DPYD: variants seen among roughly 807,000 people sequenced by gnomAD.
DPYD encodes dihydropyrimidine dehydrogenase [NADP(+)].
A neutral mutation model predicts 116.2 loss-of-function variants in DPYD; 109 were observed. That is an observed-to-expected ratio of 0.94 (90% CI 0.80 to 1.10). The LOEUF (loss-of-function observed/expected upper bound fraction) is 1.10, where lower values mean the gene tolerates loss of function less well. DPYD is among the 50% of genes least tolerant of loss of function. DPYD has a pLI of 0.00. For missense variants in DPYD, 1,302 were observed against 1,254.5 expected (o/e 1.04, Z -0.57); for synonymous variants, 440 against 432.0 (o/e 1.02, Z -0.23).
chr1:97,562,277 A>C (rs1652205777), intron 11 of DPYD, among the ~76,000 whole-genome samples: 1 of 152,186 alleles, frequency 6.6e-6, no homozygotes, highest in African/African-American at 2.4e-5. Flanking sequence ...TGGTGATGTA[A>C]AGTTCATTTG....
rs532009718 is a variant in DPYD at position 97,843,411 on chromosome 1, G to A, written c.151-15215C>T. Among the ~76,000 whole-genome samples the A allele has an allele frequency of 4.5e-4, 68 of 152,196 alleles. 1 individual carries two copies. Among genetic ancestry groups the A allele is most frequent in the African/African-American group, 1.3e-3 (56 of 41,528 alleles). ...AAATAATATGTTTCTCTTCAGTATAGGCAACAGGATTTTATCTTAACTTCC... is the reference window on the plus strand; with the variant it reads ...AAATAATATGTTTCTCTTCAGTATAAGCAACAGGATTTTATCTTAACTTCC... On this transcript the variant is annotated intron_variant, in intron 2 of 22. Coordinates refer to ENST00000370192, the MANE Select transcript of DPYD (RefSeq NM_000110.4).
rs1432783913 is a variant in DPYD, at chr1:97,228,881, A to T, written c.2442+5971T>A. Among the ~76,000 whole-genome samples the T allele has an allele frequency of 2.6e-5, 4 of 152,218 alleles. No homozygotes were observed. The East Asian group carries it at 7.7e-4, about 29-fold the overall frequency. On this transcript the variant is annotated intron_variant, in intron 19 of 22. Coordinates refer to ENST00000370192, the MANE Select transcript of DPYD (RefSeq NM_000110.4). ...CTAAGGGCTTTGAGCTGTATGAAAA[A>T]GATTCGAACTAACTGCAAGAAAGAA... is the stretch of plus-strand genomic sequence containing the variant.
chr1:97,205,799 T>C (rs1276377859), intron 19 of DPYD, among the ~76,000 whole-genome samples: 1 of 152,084 alleles, frequency 6.6e-6, no homozygotes, highest in African/African-American at 2.4e-5. Flanking sequence ...GAAACCCTAC[T>C]GCTGGAGTCT....
intron 12 of DPYD, among the ~76,000 whole-genome samples, chr1:97,535,985 A>C (rs566781604): frequency 6.6e-6 from 1 of 152,344 alleles, no homozygotes; most frequent in African/African-American, 2.4e-5. Context: ...AATTATGTGG[A>C]GAGTACTATA....
intron 16 of DPYD, among the ~76,000 whole-genome samples, chr1:97,360,709 G>A (rs181239425): frequency 3.3e-5 from 5 of 152,246 alleles, no homozygotes; most frequent in Non-Finnish European, 5.9e-5. Context: ...CGACTACTGG[G>A]TAAATAACGA....
intron 13 of DPYD, among the ~76,000 whole-genome samples, chr1:97,471,838 T>C (rs7513650): frequency 0.82 from 125,507 of 152,140 alleles, 52,055 homozygotes; most frequent in Middle Eastern, 0.88. Flanking sequence ...GATCTGCACA[T>C]CTCGGCCTCC....
At chr1:97,602,448 C>G (rs1655311632) in intron 8 of DPYD, among the ~76,000 whole-genome samples, 1 of 151,802 alleles carries the variant, frequency 6.6e-6, no homozygotes, top group Admixed American at 6.6e-5. Flanking sequence ...TTAAGAAGTA[C>G]AAGTACACAT....
intron 5 of DPYD, among the ~76,000 whole-genome samples, chr1:97,704,907 T>A (rs751123167): frequency 6.6e-6 from 1 of 152,030 alleles, no homozygotes; most frequent in African/African-American, 2.4e-5. Flanking sequence ...TAAAGATGAA[T>A]GAAAAGTATA....
At chr1:97,784,564 ATTACT>A (rs1327643956) in intron 3 of DPYD, among the ~76,000 whole-genome samples, 2 of 152,214 alleles carry the variant, frequency 1.3e-5, no homozygotes, top group East Asian at 3.8e-4. Context: ...AAAATAGGCG[ATTACT>A]TTACCAAGAA....
At chr1:97,446,230 AT>A (rs1676080878) in intron 14 of DPYD, among the ~76,000 whole-genome samples, 1 of 152,208 alleles carries the variant, frequency 6.6e-6, no homozygotes, top group African/African-American at 2.4e-5. Flanking sequence ...AATAAAAAAA[AT>A]ACATTACTAT....
intron 14 of DPYD, among the ~76,000 whole-genome samples, chr1:97,419,186 T>C (rs1674444384): frequency 6.6e-6 from 1 of 152,210 alleles, no homozygotes; most frequent in Non-Finnish European, 1.5e-5. Context: ...TGGTGCATTT[T>C]ACCTTTAGTG....
At chr1:97,380,959 G>A (rs1267615973) in intron 15 of DPYD, among the ~76,000 whole-genome samples, 2 of 152,078 alleles carry the variant, frequency 1.3e-5, no homozygotes, top group Non-Finnish European at 2.9e-5. Flanking sequence ...AAGGCCTGCG[G>A]GATACTTCCT....
chr1:97,799,279 A>C (rs1279772228), intron 3 of DPYD, among the ~76,000 whole-genome samples: 4 of 151,982 alleles, frequency 2.6e-5, no homozygotes, highest in Non-Finnish European at 5.9e-5. Context: ...GTCACATTAC[A>C]TCAAGTAAAA....
intron 18 of DPYD, among the ~76,000 whole-genome samples, chr1:97,286,724 C>T (rs1431029077): frequency 1.3e-5 from 2 of 152,208 alleles, no homozygotes; most frequent in African/African-American, 2.4e-5. Context: ...GCTCCTGAGG[C>T]TTCTGCATTC....
chr1:97,530,931 T>C (rs1432961640), intron 12 of DPYD, among the ~76,000 whole-genome samples: 4 of 152,192 alleles, frequency 2.6e-5, no homozygotes, highest in African/African-American at 9.7e-5. Flanking sequence ...AAAATATCTA[T>C]TCAAGTCCCT....
chr1:97,439,499 A>T (rs915615101), intron 14 of DPYD, among the ~76,000 whole-genome samples: 1 of 152,206 alleles, frequency 6.6e-6, no homozygotes, highest in African/African-American at 2.4e-5. Flanking sequence ...ATTCATTTAC[A>T]TAATGTTGTT....
chr1:97,910,249 T>C (rs1463300428), intron 1 of DPYD, among the ~76,000 whole-genome samples: 7 of 152,122 alleles, frequency 4.6e-5, no homozygotes, highest in South Asian at 2.1e-4. Context: ...TTCTTTTCTG[T>C]CTTGTTTGAA....
chr1:97,086,730 G>A (rs1005919399), intron 21 of DPYD, among the ~76,000 whole-genome samples: 1 of 140,260 alleles, frequency 7.1e-6, no homozygotes, highest in South Asian at 2.4e-4. Flanking sequence ...CCATTGTTAA[G>A]TTCTTAATAT....
intron 18 of DPYD, among the ~76,000 whole-genome samples, chr1:97,272,699 A>G (rs1664668864): frequency 6.6e-6 from 1 of 152,156 alleles, no homozygotes; most frequent in African/African-American, 2.4e-5. Flanking sequence ...TGACATAGTG[A>G]TCTTCACTCA....
Sources: gnomAD v4.1 joint callset for allele counts (sites outside exome capture counted in the v4.1 genomes callset) on GRCh38, gnomAD v4.1.1 for gene constraint, MANE v1.5 for transcripts, NCBI Gene and HGNC (gene_info 2026-07-23, HGNC 2026-07-21) for gene names.